Variants in RARRES1 observed in about 807,000 individuals in gnomAD.
RARRES1 encodes the protein retinoic acid receptor responder protein 1.
RARRES1 carries 34 observed loss-of-function variants against 30.6 expected under a neutral mutation model. The ratio of observed to expected loss-of-function variants is 1.11; its 90% CI spans 0.84 to 1.48. The LOEUF is 1.48. Ranked by LOEUF, RARRES1 falls within the 40% of genes most tolerant of loss-of-function variation. The probability of loss-of-function intolerance (pLI) is 0.00; values close to 1 mark genes in which losing one functional copy is unlikely to be tolerated. For missense variants in RARRES1, 373 were observed against 386.5 expected, an observed-to-expected ratio of 0.97 and a Z score of 0.29; for synonymous variants, 153 against 155.5, an observed-to-expected ratio of 0.98 and a Z score of 0.12.
At chr3:158,723,000 A>G (rs768086375) in intron 1 of RARRES1, among the ~76,000 whole-genome samples, 4 of 152,166 alleles carry the variant, frequency 2.6e-5, no homozygotes, top group Non-Finnish European at 4.4e-5. Flanking sequence ...GCACCACCCC[A>G]TGGAGGAGTC....
intron 1 of RARRES1, among the ~76,000 whole-genome samples, chr3:158,730,275 G>A (rs1007971898): frequency 6.8e-5 from 10 of 146,264 alleles, no homozygotes; most frequent in Non-Finnish European, 1.2e-4. Context: ...AGCCGAGATC[G>A]CAGCGCTGCA....
chr3:158,711,328 A>C (rs1042440636), intron 2 of RARRES1, among the ~76,000 whole-genome samples: 4 of 152,164 alleles, frequency 2.6e-5, no homozygotes, highest in African/African-American at 9.7e-5. Flanking sequence ...ATTTACAAAA[A>C]TAACAACAGC....
chr3:158,713,304 C>A (rs1444790249), intron 2 of RARRES1, among the ~76,000 whole-genome samples: 1 of 152,146 alleles, frequency 6.6e-6, no homozygotes, highest in African/African-American at 2.4e-5. Context: ...AAAACATGGT[C>A]CGCTTGGTCA....
chr3:158,707,631 GAA>G (rs1349716353), intron 3 of RARRES1, among the ~76,000 whole-genome samples: 1 of 152,184 alleles, frequency 6.6e-6, no homozygotes, highest in African/African-American at 2.4e-5. Flanking sequence ...ACCGTCTCCT[GAA>G]AGTGCATGAG....
intron 4 of RARRES1, among the ~76,000 whole-genome samples, chr3:158,702,325 A>C (rs1309464827): frequency 6.6e-6 from 1 of 152,190 alleles, no homozygotes; most frequent in Non-Finnish European, 1.5e-5. Context: ...GGCATGAGCC[A>C]CTGCACCCAG....
chr3:158,702,032 T>C (rs1409469388), intron 4 of RARRES1, among the ~76,000 whole-genome samples: 2 of 152,048 alleles, frequency 1.3e-5, no homozygotes, highest in Non-Finnish European at 2.9e-5. Context: ...TGTTTTTGTT[T>C]GTTTTGTTTT....
rs564006441 is a variant in RARRES1 at position 158,712,099 on chromosome 3, G to A, written c.340-1166C>T. On this transcript the variant is annotated intron_variant, in intron 2 of 5. Coordinates refer to ENST00000237696, the MANE Select transcript of RARRES1 (RefSeq NM_206963.2). ...TATTCCCTGAAAAATGCACAGATCAGCACTGGGCCTAGAATTTGAGGAAGT... is the reference window on the plus strand; with the variant it reads ...TATTCCCTGAAAAATGCACAGATCAACACTGGGCCTAGAATTTGAGGAAGT... 3.9e-5 allele frequency among the ~76,000 whole-genome samples: 6 copies of A among 152,306 alleles called. No individual in the cohort carries two copies. The South Asian group carries it at 1.2e-3, about 32-fold the overall frequency.
intron 3 of RARRES1, among the ~76,000 whole-genome samples, chr3:158,707,714 A>T (rs779527727): frequency 9.8e-5 from 15 of 152,364 alleles, no homozygotes; most frequent in Non-Finnish European, 2.2e-4. Flanking sequence ...GTAAGATGTT[A>T]GAAATAAATA....
At chr3:158,713,603 C>T (rs1270778947) in intron 2 of RARRES1, among the ~76,000 whole-genome samples, 194 bp downstream of exon 2, 1 of 152,120 alleles carries the variant, frequency 6.6e-6, no homozygotes, top group Admixed American at 6.5e-5. Flanking sequence ...TGCGTTAAGA[C>T]CATGAAGTTG....
rs932992182 is a variant in RARRES1, at chr3:158,728,391, C to T, written c.276+3749G>A. Among the ~76,000 whole-genome samples the T allele has an allele frequency of 1.7e-4, 26 of 152,156 alleles. 1 individual carries two copies. Among genetic ancestry groups the T allele is most frequent in the Admixed American group, 1.7e-3 (26 of 15,270 alleles). The stretch of plus-strand genomic sequence containing the variant: ...TCCTTACCTGGCTACCTGCTCGCCC[C>T]TCAGGGTCAGTTCTGGATGGATGAT... On this transcript the variant is annotated intron_variant, in intron 1 of 5. Coordinates refer to ENST00000237696, the MANE Select transcript of RARRES1 (RefSeq NM_206963.2).
chr3:158,730,869 C>T (rs111667279), intron 1 of RARRES1, among the ~76,000 whole-genome samples: 5,422 of 152,176 alleles, frequency 0.036, 311 homozygotes, highest in African/African-American at 0.12. Context: ...CCGCAACCTC[C>T]GCCTCCCAAG....
intron 1 of RARRES1, among the ~76,000 whole-genome samples, chr3:158,720,735 A>G (rs574900929): frequency 2.0e-5 from 3 of 152,256 alleles, no homozygotes; most frequent in South Asian, 4.1e-4. Context: ...CCTGGGCTCA[A>G]GGGATTCTCC....
chr3:158,700,910 C>T (rs1726701452), intron 4 of RARRES1, among the ~76,000 whole-genome samples: 1 of 152,072 alleles, frequency 6.6e-6, no homozygotes, highest in African/African-American at 2.4e-5. Context: ...CCTGCTTCCC[C>T]CAAAAGGGAG....
chr3:158,730,844 C>T (rs180927895), intron 1 of RARRES1, among the ~76,000 whole-genome samples: 146 of 152,012 alleles, frequency 9.6e-4, no homozygotes, highest in Non-Finnish European at 1.8e-3. Context: ...AGTGCAGTGG[C>T]GCAATCTCGG....
At chr3:158,704,631 C>T (rs918432706) in intron 4 of RARRES1, 160 bp downstream of exon 4, 1 of 1,200,512 alleles carries the variant, frequency 8.3e-7, no homozygotes, top group African/African-American at 1.5e-5. Context: ...TCCCCAGCCC[C>T]TGAAACAATA....
intron 1 of RARRES1, among the ~76,000 whole-genome samples, chr3:158,725,811 C>T (rs916220373): frequency 5.9e-5 from 9 of 152,294 alleles, no homozygotes; most frequent in African/African-American, 1.9e-4. Context: ...CCAGACTCTG[C>T]GATCAGAGTC....
chr3:158,700,707 T>C (rs1726695658), intron 4 of RARRES1, among the ~76,000 whole-genome samples: 3 of 152,226 alleles, frequency 2.0e-5, no homozygotes, highest in African/African-American at 7.2e-5. Flanking sequence ...TTATTTTTAA[T>C]ATTATTCAGA....
intron 3 of RARRES1, among the ~76,000 whole-genome samples, chr3:158,707,915 T>G (rs1024927403): frequency 2.0e-5 from 3 of 152,248 alleles, no homozygotes; most frequent in Non-Finnish European, 2.9e-5. Context: ...GGATTTCCAG[T>G]ACTCTTCACT....
chr3:158,698,199 T>G (rs1339371150), intron 4 of RARRES1: 1 of 503,390 alleles, frequency 2.0e-6, no homozygotes, highest in Non-Finnish European at 3.6e-6. Flanking sequence ...TCACTTTTTC[T>G]GATGGAGACC....
Sources: allele counts gnomAD v4.1 joint callset (sites outside exome capture counted in the v4.1 genomes callset), GRCh38; gene constraint gnomAD v4.1.1; transcripts MANE v1.5; gene names NCBI Gene and HGNC (gene_info 2026-07-23, HGNC 2026-07-21).